CSMD1: variants seen among roughly 807,000 people sequenced by gnomAD.
CSMD1 encodes the protein CUB and sushi domain-containing protein 1.
Under a neutral mutation model 417.5 loss-of-function variants are expected in CSMD1, and 213 were observed. That is an observed-to-expected ratio of 0.51 (90% CI 0.46 to 0.57). The LOEUF (loss-of-function observed/expected upper bound fraction) is 0.57. Ranked by LOEUF, CSMD1 falls within the 20% of genes least tolerant of loss-of-function variation. CSMD1 has a pLI of 0.00. For missense variants in CSMD1, 6,923 were observed against 4,529.7 expected, an observed-to-expected ratio of 1.53 and a Z score of -15.17; for synonymous variants, 2,862 against 1,736.8, an observed-to-expected ratio of 1.65 and a Z score of -16.11.
intron 3 of CSMD1, among the ~76,000 whole-genome samples, chr8:4,315,170 G>A (rs902897190): frequency 6.6e-6 from 1 of 152,170 alleles, no homozygotes; most frequent in African/African-American, 2.4e-5. Flanking sequence ...GGAGACAGAT[G>A]ACACTTTCTG....
chr8:4,565,968 A>G (rs1297615769), intron 2 of CSMD1, among the ~76,000 whole-genome samples: 2 of 151,818 alleles, frequency 1.3e-5, no homozygotes, highest in East Asian at 1.9e-4. Context: ...TATTCTCAGT[A>G]TAATCTATAT....
chr8:4,445,779 A>C (rs902727793), intron 2 of CSMD1, among the ~76,000 whole-genome samples: 1 of 152,220 alleles, frequency 6.6e-6, no homozygotes, highest in African/African-American at 2.4e-5. Context: ...CTAAGAAATC[A>C]CAGAAATGTG....
chr8:3,998,978 CAT>C (rs778027112), intron 4 of CSMD1, among the ~76,000 whole-genome samples: 38 of 146,224 alleles, frequency 2.6e-4, no homozygotes, highest in East Asian at 7.8e-4. Flanking sequence ...ATATAAATAA[CAT>C]AAACTATATG....
At chr8:3,973,489 T>C (rs1813217486) in intron 5 of CSMD1, among the ~76,000 whole-genome samples, 1 of 152,188 alleles carries the variant, frequency 6.6e-6, no homozygotes, top group South Asian at 2.1e-4. Context: ...TTTTAAAAAA[T>C]AGCATACATC....
chr8:3,243,648 T>G (rs933838194), intron 26 of CSMD1, among the ~76,000 whole-genome samples: 6 of 152,056 alleles, frequency 3.9e-5, no homozygotes, highest in Admixed American at 6.6e-5. Context: ...GAACTGGCCA[T>G]CTGGATGTGT....
At chr8:3,678,463 G>T (rs1014230735) in intron 7 of CSMD1, among the ~76,000 whole-genome samples, 10 of 152,152 alleles carry the variant, frequency 6.6e-5, no homozygotes, top group Non-Finnish European at 1.5e-4. Flanking sequence ...TGAATGAAAT[G>T]AAGTAAGAAG....
intron 3 of CSMD1, among the ~76,000 whole-genome samples, chr8:4,393,054 T>C (rs1803957103): frequency 6.6e-6 from 1 of 151,902 alleles, no homozygotes; most frequent in Admixed American, 6.6e-5. Flanking sequence ...AGGCTCACTG[T>C]ACCCTCCGCC....
chr8:3,009,176 C>T (rs575169326), intron 52 of CSMD1, among the ~76,000 whole-genome samples: 40 of 152,350 alleles, frequency 2.6e-4, no homozygotes, highest in South Asian at 8.3e-4. Flanking sequence ...CTCCCACACA[C>T]GCACTTTTGC....
chr8:4,092,322 C>G (rs1384810761), intron 3 of CSMD1, among the ~76,000 whole-genome samples: 3 of 152,156 alleles, frequency 2.0e-5, no homozygotes, highest in East Asian at 1.9e-4. Context: ...TCGTCCTTTC[C>G]TGTGTCTGAT....
chr8:4,666,413 C>T (rs1164398521), intron 1 of CSMD1, among the ~76,000 whole-genome samples: 1 of 152,094 alleles, frequency 6.6e-6, no homozygotes, highest in Non-Finnish European at 1.5e-5. Context: ...TCAGCAACTA[C>T]TGGTTTGAAG....
At chr8:4,072,707 G>T (rs928935806) in intron 3 of CSMD1, among the ~76,000 whole-genome samples, 4 of 152,082 alleles carry the variant, frequency 2.6e-5, no homozygotes, top group Admixed American at 6.5e-5. Flanking sequence ...CTGTGAATTG[G>T]GAATACAGAA....
intron 3 of CSMD1, among the ~76,000 whole-genome samples, chr8:4,391,908 C>T (rs1267271303): frequency 1.3e-5 from 2 of 152,176 alleles, no homozygotes; most frequent in Admixed American, 6.5e-5. Flanking sequence ...TTTCAGATGT[C>T]TTAGAACCCT....
rs192540010 is a variant in CSMD1 at position 3,937,132 on chromosome 8, T to C, written c.818+60771A>G. 9.2e-5 allele frequency among the ~76,000 whole-genome samples: 14 copies of C among 152,322 alleles called. No individual in the cohort carries two copies. In the South Asian group the frequency reaches 1.5e-3, roughly 16 times the overall value. ...TTAATGGACGAGGAGCTGCTTCTTA[T>C]GGATGAGCAAAGAAAGTGGTTTCTT... On this transcript the variant is annotated intron_variant, in intron 5 of 69. Transcript: ENST00000635120.
intron 12 of CSMD1, among the ~76,000 whole-genome samples, chr8:3,421,402 T>C (rs1204788451): frequency 6.6e-6 from 1 of 152,246 alleles, no homozygotes; most frequent in Non-Finnish European, 1.5e-5. Context: ...AAATGAGAGT[T>C]ACTATATACA....
chr8:4,388,896 C>G (rs971445782), intron 3 of CSMD1, among the ~76,000 whole-genome samples: 2 of 152,188 alleles, frequency 1.3e-5, no homozygotes, highest in African/African-American at 4.8e-5. Flanking sequence ...TTCATCTTCT[C>G]TCATCCAGCT....
chr8:3,860,422 T>C (rs920301268), intron 5 of CSMD1, among the ~76,000 whole-genome samples: 1 of 152,198 alleles, frequency 6.6e-6, no homozygotes, highest in African/African-American at 2.4e-5. Context: ...TCTATGTTAC[T>C]AAAACAATAA....
At chr8:4,750,575 A>G (rs568872718) in intron 1 of CSMD1, among the ~76,000 whole-genome samples, 1 of 152,044 alleles carries the variant, frequency 6.6e-6, no homozygotes, top group Admixed American at 6.5e-5. Context: ...TTTTCACTTT[A>G]TAAGTAATTC....
intron 1 of CSMD1, among the ~76,000 whole-genome samples, chr8:4,841,930 A>AAAAAACAAAACAAAAC (rs1554499187): frequency 1.1e-4 from 14 of 122,482 alleles, no homozygotes; most frequent in East Asian, 5.6e-4. Context: ...AAAAAAAAAA[A>AAAAAACAAAACAAAAC]AAAAAAAAGT....
intron 2 of CSMD1, among the ~76,000 whole-genome samples, chr8:4,505,443 A>G (rs1401071798): frequency 2.6e-5 from 4 of 152,216 alleles, no homozygotes; most frequent in African/African-American, 9.6e-5. Context: ...ATCTCGATTT[A>G]AACAGTAATA....
Sources: gnomAD v4.1 joint callset for allele counts (sites outside exome capture counted in the v4.1 genomes callset) on GRCh38, gnomAD v4.1.1 for gene constraint, MANE v1.5 for transcripts, NCBI Gene and HGNC (gene_info 2026-07-23, HGNC 2026-07-21) for gene names.